Variants in NR6A1 observed in about 807,000 individuals in gnomAD.
The protein encoded by NR6A1 is retinoic acid receptor-related testis-associated receptor.
A neutral mutation model predicts 59.1 loss-of-function variants in NR6A1; 7 were observed. That is an observed-to-expected ratio of 0.12 (90% CI 0.07 to 0.22). NR6A1 has a LOEUF of 0.22. NR6A1 is among the 10% of genes least tolerant of loss of function. The pLI, the probability that NR6A1 is intolerant of heterozygous loss-of-function variation, is 1.00. For missense variants in NR6A1, 468 were observed against 611.6 expected (o/e 0.77, Z 2.48); for synonymous variants, 243 against 236.1 (o/e 1.03, Z -0.27).
chr9:124,616,895 T>A (rs928749945), intron 2 of NR6A1, among the ~76,000 whole-genome samples: 1 of 152,200 alleles, frequency 6.6e-6, no homozygotes, highest in Non-Finnish European at 1.5e-5. Context: ...TGGTGGTTGA[T>A]GTACAACTTG....
chr9:124,750,888 T>C (rs577155324), intron 1 of NR6A1, among the ~76,000 whole-genome samples: 1 of 152,328 alleles, frequency 6.6e-6, no homozygotes, highest in Admixed American at 6.5e-5. Flanking sequence ...TGGCTTTAAT[T>C]CTTGCATCTA....
At chr9:124,623,958 T>G (rs1001614391) in intron 2 of NR6A1, among the ~76,000 whole-genome samples, 3 of 152,246 alleles carry the variant, frequency 2.0e-5, no homozygotes, top group Non-Finnish European at 2.9e-5. Context: ...CTGTTTTACA[T>G]GTATCACCTC....
Position 124,546,490 on chromosome 9 carries a change from C to T in NR6A1, c.386-2633G>A, listed in dbSNP as rs150369750. Among the ~76,000 whole-genome samples, 213 of 152,300 alleles carry T rather than the reference C, an allele frequency of 1.4e-3. 1 individual carries two copies. The highest frequency in any genetic ancestry group is 4.8e-3 in the African/African-American group (200 of 41,552). ...ATTATACATTTATTCTGATGTGCAA[C>T]TCACATGGCAAAATGTTAACAATTG... On this transcript the variant is annotated intron_variant, in intron 3 of 9. Transcript: ENST00000487099.
chr9:124,693,731 C>T (rs765712905), intron 2 of NR6A1: 1 of 534,558 alleles, frequency 1.9e-6, no homozygotes, highest in African/African-American at 1.9e-5. Context: ...ACTCAACATT[C>T]ATTGCTGTCG....
intron 2 of NR6A1, among the ~76,000 whole-genome samples, chr9:124,715,195 C>T (rs570192922): frequency 4.1e-5 from 6 of 147,940 alleles, no homozygotes; most frequent in South Asian, 4.3e-4. Context: ...AGTGAGACTT[C>T]GTCTCAGAAA....
chr9:124,640,351 G>A (rs901718414), intron 2 of NR6A1, among the ~76,000 whole-genome samples: 6 of 152,022 alleles, frequency 3.9e-5, no homozygotes, highest in African/African-American at 1.2e-4. Flanking sequence ...TTTGTATATG[G>A]TATTTTCCAC....
intron 2 of NR6A1, among the ~76,000 whole-genome samples, chr9:124,686,883 T>G (rs1016977452): frequency 1.4e-4 from 21 of 151,992 alleles, no homozygotes; most frequent in Non-Finnish European, 1.0e-4. Context: ...TTTTATTTTT[T>G]GTAGAGATGG....
At chr9:124,725,997 G>GT (rs1326549394) in intron 2 of NR6A1, among the ~76,000 whole-genome samples, 1 of 152,092 alleles carries the variant, frequency 6.6e-6, no homozygotes, top group Non-Finnish European at 1.5e-5. Flanking sequence ...GAAAAGAAGG[G>GT]TTTTTAACAG....
At position 124,627,882 on chromosome 9, in the gene NR6A1, CTTTTTTT is replaced by C. The variant is rs59874800; in HGVS notation, c.143-73319_143-73313del. ...GCCACCATGCCTGGTCTGAGATTTTCTTTTTTTTTTTTTTTTTTTTTTTTTTTTCAAA... is the reference window on the plus strand; with the variant it reads ...GCCACCATGCCTGGTCTGAGATTTTCTTTTTTTTTTTTTTTTTTTTTCAAA... On this transcript the variant is annotated intron_variant, in intron 2 of 9. Transcript: ENST00000487099. Among the ~76,000 whole-genome samples the C allele has an allele frequency of 5.6e-3, 470 of 83,772 alleles. 1 individual carries two copies. Among genetic ancestry groups the C allele is most frequent in the Middle Eastern group, 0.011 (1 of 94 alleles). 55.0% of individuals were successfully genotyped at this position (83,772 alleles called of 152,430 possible).
chr9:124,738,886 T>C (rs1840092267), intron 1 of NR6A1, among the ~76,000 whole-genome samples: 1 of 151,104 alleles, frequency 6.6e-6, no homozygotes, highest in Non-Finnish European at 1.5e-5. Context: ...GCTGTAGTCC[T>C]AGCTACTCGG....
At chr9:124,702,789 T>C (rs564911226) in intron 2 of NR6A1, among the ~76,000 whole-genome samples, 38 of 152,166 alleles carry the variant, frequency 2.5e-4, no homozygotes, top group African/African-American at 6.5e-4. Flanking sequence ...GTTGGTACCA[T>C]ACCTTGTCTC....
intron 3 of NR6A1, among the ~76,000 whole-genome samples, chr9:124,548,194 G>C (rs1391602578): frequency 6.6e-6 from 1 of 152,150 alleles, no homozygotes; most frequent in Non-Finnish European, 1.5e-5. Context: ...AGCAAATGTG[G>C]CAAAATGTTA....
intron 2 of NR6A1, among the ~76,000 whole-genome samples, chr9:124,684,659 C>T (rs1345447944): frequency 6.6e-6 from 1 of 152,146 alleles, no homozygotes; most frequent in African/African-American, 2.4e-5. Flanking sequence ...GTTCCTCGAG[C>T]CTCTTCCATC....
chr9:124,766,393 T>C (rs954423030), intron 1 of NR6A1, among the ~76,000 whole-genome samples: 6 of 152,242 alleles, frequency 3.9e-5, no homozygotes, highest in South Asian at 2.1e-4. Context: ...TCACTACTTA[T>C]GTGGGCAGAT....
At chr9:124,606,980 T>C (rs1835591973) in intron 2 of NR6A1, among the ~76,000 whole-genome samples, 1 of 152,190 alleles carries the variant, frequency 6.6e-6, no homozygotes, top group Admixed American at 6.5e-5. Flanking sequence ...AGGTTTTTGT[T>C]AGTTTAACCT....
At chr9:124,587,411 G>A (rs2030655017) in intron 2 of NR6A1, among the ~76,000 whole-genome samples, 1 of 152,126 alleles carries the variant, frequency 6.6e-6, no homozygotes, top group Admixed American at 6.6e-5. Context: ...ATGACAAACT[G>A]GTGAGCCAGC....
intron 2 of NR6A1, among the ~76,000 whole-genome samples, chr9:124,617,227 A>G (rs1230900307): frequency 6.6e-6 from 1 of 152,344 alleles, no homozygotes; most frequent in East Asian, 1.9e-4. Context: ...CACCACTAAC[A>G]TAAAAGGAAA....
At chr9:124,729,668 T>C (rs943728047) in intron 2 of NR6A1, among the ~76,000 whole-genome samples, 3 of 152,232 alleles carry the variant, frequency 2.0e-5, no homozygotes, top group Non-Finnish European at 4.4e-5. Context: ...TCCCAGAATA[T>C]GCAGTATCAA....
chr9:124,746,875 C>T (rs1458170274), intron 1 of NR6A1, among the ~76,000 whole-genome samples: 1 of 152,148 alleles, frequency 6.6e-6, no homozygotes, highest in East Asian at 1.9e-4. Context: ...CTGGCTACCC[C>T]TAGATTCTTA....
Sources: allele counts gnomAD v4.1 joint callset (sites outside exome capture counted in the v4.1 genomes callset), GRCh38; gene constraint gnomAD v4.1.1; transcripts MANE v1.5; gene names NCBI Gene and HGNC (gene_info 2026-07-23, HGNC 2026-07-21).